The following DHX8 variants were observed in gnomAD, a reference collection of about 807,000 sequenced individuals.
DHX8 encodes the protein ATP-dependent RNA helicase DHX8.
Under a neutral mutation model 140.7 loss-of-function variants are expected in DHX8, and 67 were observed. The ratio of observed to expected loss-of-function variants is 0.48; its 90% CI spans 0.39 to 0.58. The LOEUF is 0.58. Among genes scored for constraint, DHX8 ranks in the 20% least tolerant of loss-of-function variants. DHX8 has a pLI of 0.00. For missense variants in DHX8, 887 were observed against 1,550.7 expected (o/e 0.57, Z 7.19); for synonymous variants, 533 against 553.2 (o/e 0.96, Z 0.51).
At chr17:43,539,381 C>T (rs1000986415) in intron 3 of DHX8, among the ~76,000 whole-genome samples, 1 of 152,180 alleles carries the variant, frequency 6.6e-6, no homozygotes, top group Non-Finnish European at 1.5e-5. Flanking sequence ...TCTCTGACCA[C>T]CCCTAAACCA....
rs140417322 is a variant in DHX8 at position 43,490,443 on chromosome 17, C to T, written c.287C>T (p.Ala96Val). The T allele has an allele frequency of 1.4e-5, 23 of 1,613,618 alleles. No homozygotes were observed. The highest frequency in any genetic ancestry group is 9.9e-5 in the South Asian group (9 of 91,016). Residue 96 changes from alanine (A) to valine (V), a missense_variant, in exon 3 of 23, where the codon GCG (alanine) becomes GTG (valine). Physicochemically the swap from Ala to Val is moderately conservative, Grantham distance 64. Around this residue, in one of 9 missense-constraint regions of DHX8, gnomAD observed 304 missense variants for 306.9 expected, o/e 0.99. Transcript: ENST00000262415. ...CTCATACAAACCATGCGGCCTCCAG[C>T]GAAGCCTTCCACTAGCAAAGGTAAG... Reference protein sequence around the residue: ...LRLIQTMRPPAKPSTSKDPVV... With the variant: ...LRLIQTMRPPVKPSTSKDPVV...
downstream of DHX8, chr17:43,529,835 C>T (rs768291878): frequency 3.1e-6 from 5 of 1,607,704 alleles, no homozygotes; most frequent in Admixed American, 1.7e-5. Context: ...CCTGCAGGGA[C>T]ACAGCGTGAT....
rs1968616119 is a variant in DHX8 at position 43,492,867 on chromosome 17, T to C, written c.690T>C (p.Ser230=). The C allele has an allele frequency of 1.2e-6, 2 of 1,613,392 alleles. No individual in the cohort carries two copies. The highest frequency in any genetic ancestry group is 2.2e-5 in the East Asian group (1 of 44,848). ...SRYRSRSRSQ[S]PPKDRKDRDK... ...ATCGGTCCAGGAGCAGGAGTCAGAG[T>C]CCCCCCAAAGACCGGAAGGACCGGG... The change falls in exon 6 of 23, where the codon AGT becomes AGC. Residue 230 remains serine (S), a synonymous_variant. Transcript: ENST00000262415.
At chr17:43,496,064 C>T in intron 8 of DHX8, 117 bp from the exon 9 acceptor site, 1 of 738,226 alleles carries the variant, frequency 1.4e-6, no homozygotes. Context: ...GGTCACTGCA[C>T]TTCAGCCTGG....
intron 16 of DHX8, among the ~76,000 whole-genome samples, chr17:43,511,574 C>T (rs1356782573): frequency 6.8e-6 from 1 of 147,072 alleles, no homozygotes; most frequent in Non-Finnish European, 1.5e-5. Flanking sequence ...TCTTCTGCCT[C>T]AGCCTCCTGA....
In DHX8 at chr17:43,513,401, A is replaced by G. The variant is rs571693885; in HGVS notation, c.2542A>G (p.Ile848Val). The change falls in exon 17 of 23, where the codon ATT becomes GTT. Residue 848 changes from isoleucine (I) to valine (V), a missense_variant. Ile to Val is a conservative substitution (Grantham distance 29). Transcript: ENST00000262415. ...CAATATCGCAGAGACATCGCTGACT[A>G]TTGATGGTATCTACTATGTGGTGGA... ...ATNIAETSLT[I>V]DGIYYVVDPG... 1 of 1,613,914 alleles carries G rather than the reference A, an allele frequency of 6.2e-7. No homozygotes were observed. The highest frequency in any genetic ancestry group is 2.2e-5 in the East Asian group (1 of 44,870).
Position 43,517,225 on chromosome 17 carries a change from G to A in DHX8, c.2702G>A (p.Arg901Lys). The change falls in exon 18 of 23, where the codon AGG (arginine) becomes AAG (lysine). Residue 901 changes from arginine to lysine, a missense_variant. This residue lies in a region of DHX8 where 151 missense variants were observed against 388.3 expected (regional missense o/e 0.39). Transcript: ENST00000262415. ...AGRTGPGKCY[R>K]LYTERAYRDE... The stretch of plus-strand genomic sequence containing the variant: ...AGAACAGGCCCAGGGAAGTGTTACA[G>A]GTTGTACACAGAACGTGCCTACCGA... The A allele has an allele frequency of 1.9e-6, 3 of 1,614,102 alleles. No individual in the cohort carries two copies. The highest frequency in any genetic ancestry group is 2.5e-6 in the Non-Finnish European group (3 of 1,180,030).
At chr17:43,505,891 C>G (rs1196464465) in intron 12 of DHX8, among the ~76,000 whole-genome samples, 2 of 151,986 alleles carry the variant, frequency 1.3e-5, no homozygotes, top group Non-Finnish European at 2.9e-5. Flanking sequence ...AATATATGCA[C>G]ACACACGCAC....
chr17:43,517,264 C>T lies in DHX8; in HGVS notation c.2741C>T (p.Thr914Ile). The change falls in exon 18 of 23, where the codon ACC (threonine) becomes ATC (isoleucine). Residue 914 changes from threonine (T) to isoleucine (I), a missense_variant. Transcript: ENST00000262415. ...CGTGCCTACCGAGATGAAATGCTGA[C>T]CACCAACGTGCCGGAAATCCAGAGA... Reference protein sequence around the residue: ...TERAYRDEMLTTNVPEIQRTN... With the variant: ...TERAYRDEMLITNVPEIQRTN... The T allele has an allele frequency of 6.2e-7, 1 of 1,614,128 alleles. No individual in the cohort carries two copies. The highest frequency in any genetic ancestry group is 8.5e-7 in the Non-Finnish European group (1 of 1,180,012).
chr17:43,530,415 A>C (rs1970851894), downstream of DHX8: 2 of 1,412,844 alleles, frequency 1.4e-6, no homozygotes, highest in Non-Finnish European at 9.2e-7. Flanking sequence ...CATGGAAGGC[A>C]GCAGCGGGGG....
At chr17:43,499,024 C>A in intron 10 of DHX8, 65 bp downstream of exon 10, 1 of 1,255,100 alleles carries the variant, frequency 8.0e-7, no homozygotes, top group Non-Finnish European at 1.1e-6. Context: ...AGTAATGGGT[C>A]AGGTTATTAG....
rs765642182 is a variant in DHX8, at chr17:43,491,250, G to C, written c.393G>C (p.Arg131=). Residue 131 remains arginine (R), a splice_region_variant and synonymous_variant, in exon 4 of 23, where the codon CGG becomes CGC. Transcript: ENST00000262415. ...VLCQPDNPSV[R]TMLDEDDVKV... ...GCCAACCGGACAACCCTTCTGTTCGGGTACTGATACCATTTTAAGAGTGTC... is the reference window on the plus strand; with the variant it reads ...GCCAACCGGACAACCCTTCTGTTCGCGTACTGATACCATTTTAAGAGTGTC... The C allele has an allele frequency of 1.7e-5, 25 of 1,504,392 alleles. No individual in the cohort carries two copies. Among genetic ancestry groups the C allele is most frequent in the Non-Finnish European group, 2.1e-5 (24 of 1,122,120 alleles). 93.2% of individuals were successfully genotyped at this position (1,504,392 alleles called of 1,614,324 possible). A position where few individuals can be genotyped will look rare whatever the true frequency, so the allele number is the denominator to read the frequency against.
chr17:43,504,943 A>G, intron 12 of DHX8, 118 bp downstream of exon 12: 1 of 966,836 alleles, frequency 1.0e-6, no homozygotes. Context: ...GGCTCATCCA[A>G]AAGAGTTAAG....
At position 43,522,242 on chromosome 17, in the gene DHX8, C is replaced by T. The variant is rs1026109796; in HGVS notation, c.3443+16C>T. On this transcript the variant is annotated intron_variant, in intron 22 of 22. Coordinates refer to ENST00000262415, the MANE Select transcript of DHX8 (RefSeq NM_004941.3). ...AGCCAGAATGGTAGGTGGACATGTC[C>T]CAGGGTCTAGGGGCTTTTCTGGGCA... 2 of 1,609,610 alleles carry T rather than the reference C, an allele frequency of 1.2e-6. No individual in the cohort carries two copies. The highest frequency in any genetic ancestry group is 4.5e-5 in the East Asian group (2 of 44,816).
rs1380521807 is a variant in DHX8, at chr17:43,490,480, G to T, written c.307+17G>T. The T allele has an allele frequency of 3.7e-6, 6 of 1,601,210 alleles. No homozygotes were observed. The highest frequency in any genetic ancestry group is 5.1e-6 in the Non-Finnish European group (6 of 1,170,548). ...CTAGCAAAGGTAAGCAGAGCTTCCA[G>T]CTGAGCTTAGCTTCTAGAATGGTGT... On this transcript the variant is annotated intron_variant, in intron 3 of 22. Coordinates refer to ENST00000262415, the MANE Select transcript of DHX8 (RefSeq NM_004941.3).
chr17:43,504,530 G>A (rs772984431), intron 11 of DHX8, 114 bp from the exon 12 acceptor site: 10 of 975,802 alleles, frequency 1.0e-5, no homozygotes, highest in South Asian at 3.4e-5. Flanking sequence ...TTTTGATCAC[G>A]GGTCGCTGAA....
chr17:43,489,494 CT>C lies in DHX8; in HGVS notation c.198del (p.Phe66LeufsTer50). 3 of 1,610,340 alleles carry C rather than the reference CT, an allele frequency of 1.9e-6. No individual in the cohort carries two copies. Among genetic ancestry groups the C allele is most frequent in the Non-Finnish European group, 2.5e-6 (3 of 1,179,290 alleles). On this transcript the variant is annotated frameshift_variant, in exon 2 of 23. Transcript: ENST00000262415. LOFTEE classifies it high-confidence loss of function. ...GCTGAGAAAAATACCACCTTTGATA[CT>C]TTTAAGGCTTCTCTCGTCAAAAATG... ...SLAEKNTTFD[T>X]FKASLVKNGA...
Position 43,524,285 on chromosome 17 carries a change from C to A in DHX8, c.*438C>A. The A allele has an allele frequency of 9.9e-7, 1 of 1,005,110 alleles. No individual in the cohort carries two copies. Among genetic ancestry groups the A allele is most frequent in the Non-Finnish European group, 1.2e-6 (1 of 842,158 alleles). 62.3% of individuals were successfully genotyped at this position (1,005,110 alleles called of 1,614,324 possible). Reference sequence around the variant, plus strand: ...CTCCAGCCCCTGTACTTTGGCTTGACCTCGTGGAAATATTTATTTTCTTAA... The same window carrying A: ...CTCCAGCCCCTGTACTTTGGCTTGAACTCGTGGAAATATTTATTTTCTTAA... On this transcript the variant is annotated 3_prime_UTR_variant, in exon 23 of 23. Transcript: ENST00000262415.
chr17:43,522,519 T>G (rs1249964233), intron 22 of DHX8, among the ~76,000 whole-genome samples: 1 of 142,318 alleles, frequency 7.0e-6, no homozygotes, highest in Non-Finnish European at 1.5e-5. Flanking sequence ...GAGGCTGAGG[T>G]GGGCAGATCA....
Sources: allele counts gnomAD v4.1 joint callset (sites outside exome capture counted in the v4.1 genomes callset), GRCh38; gene constraint gnomAD v4.1.1; regional missense constraint gnomAD v4.1.1; transcripts MANE v1.5; gene names NCBI Gene and HGNC (gene_info 2026-07-23, HGNC 2026-07-21).